KCNQ1: variants seen among roughly 807,000 people sequenced by gnomAD.
The protein encoded by KCNQ1 is potassium voltage-gated channel subfamily KQT member 1.
In KCNQ1, 49 loss-of-function variants were observed where a neutral mutation model predicts 72.4. That is an observed-to-expected ratio of 0.68 (90% CI 0.54 to 0.86). The LOEUF (loss-of-function observed/expected upper bound fraction) is 0.86, where lower values mean the gene tolerates loss of function less well. Among genes scored for constraint, KCNQ1 ranks in the 40% least tolerant of loss-of-function variants. The pLI is 0.00. For synonymous variants in KCNQ1, 450 were observed against 412.6 expected (o/e 1.09, Z -1.10); for missense variants, 790 against 945.1 (o/e 0.84, Z 2.15).
chr11:2,560,487 G>A (rs1241413098), intron 2 of KCNQ1, among the ~76,000 whole-genome samples: 4 of 113,308 alleles, frequency 3.5e-5, no homozygotes, highest in Non-Finnish European at 7.3e-5. Flanking sequence ...TCCTGGGGGC[G>A]GGTGATGTTC....
Position 2,486,179 on chromosome 11 carries a change from ATAG to A in KCNQ1, c.386+40699_386+40701del, listed in dbSNP as rs1227736778. ...CACTTGTAATTTCTGGGGTTTTTTA[ATAG>A]TAGCCATTCTAGTGGGTGTGCAGTG... On this transcript the variant is annotated intron_variant, in intron 1 of 15. Coordinates refer to ENST00000155840, the MANE Select transcript of KCNQ1 (RefSeq NM_000218.3). The surrounding 1 kb of genome is among the most constrained non-coding windows in gnomAD (Gnocchi z 5.0). 2.6e-5 allele frequency among the ~76,000 whole-genome samples: 4 copies of A among 152,254 alleles called. No individual in the cohort carries two copies. In the South Asian group the frequency reaches 6.2e-4, roughly 24 times the overall value.
chr11:2,584,562 T>TA (rs1491407139), intron 7 of KCNQ1, among the ~76,000 whole-genome samples: 1 of 151,844 alleles, frequency 6.6e-6, no homozygotes, highest in African/African-American at 2.4e-5. Flanking sequence ...AGTGTGTATT[T>TA]GTGTGTGTTA....
intron 2 of KCNQ1, among the ~76,000 whole-genome samples, chr11:2,568,170 G>A (rs1848273396): frequency 6.6e-6 from 1 of 152,206 alleles, no homozygotes; most frequent in South Asian, 2.1e-4. Context: ...CTACTCAGGA[G>A]GCTGAGGCAG....
At chr11:2,776,342 C>T (rs1368001102) in intron 13 of KCNQ1, among the ~76,000 whole-genome samples, 12 of 152,114 alleles carry the variant, frequency 7.9e-5, no homozygotes, top group Non-Finnish European at 1.6e-4. Context: ...CACCCGCCTC[C>T]GTCCCTGCTC....
At chr11:2,788,042 C>T (rs1846945711) in intron 15 of KCNQ1, among the ~76,000 whole-genome samples, 1 of 152,124 alleles carries the variant, frequency 6.6e-6, no homozygotes, top group African/African-American at 2.4e-5. Context: ...CCAGGCCAGC[C>T]CCAAGGAAAT....
At position 2,733,603 on chromosome 11, in the gene KCNQ1, C is replaced by A. The variant is rs61870826; in HGVS notation, c.1515-35241C>A. 2.9e-3 allele frequency among the ~76,000 whole-genome samples: 446 copies of A among 151,966 alleles called. 1 individual carries two copies. The highest frequency in any genetic ancestry group is 1.0e-2 in the African/African-American group (414 of 41,472). ...TGCTGGCAGCTCCTAGGGAGACAGT[C>A]GGGCACGGTGGGCACCTTGAGAGGA... is the stretch of plus-strand genomic sequence containing the variant. On this transcript the variant is annotated intron_variant, in intron 11 of 15. Coordinates refer to ENST00000155840, the MANE Select transcript of KCNQ1 (RefSeq NM_000218.3).
intron 1 of KCNQ1, among the ~76,000 whole-genome samples, chr11:2,448,895 G>A (rs111289280): frequency 0.018 from 2,714 of 152,254 alleles, 76 homozygotes; most frequent in African/African-American, 0.063. Flanking sequence ...GTACTAGTTG[G>A]GGGGAACACA....
At chr11:2,587,805 G>A in intron 9 of KCNQ1, 113 bp downstream of exon 9, 1 of 1,434,956 alleles carries the variant, frequency 7.0e-7, no homozygotes, top group Middle Eastern at 1.7e-4. Context: ...GGTACAGCCT[G>A]TGTCAGGGAG....
intron 11 of KCNQ1, among the ~76,000 whole-genome samples, chr11:2,757,069 C>T (rs1369753182): frequency 1.3e-5 from 2 of 150,474 alleles, no homozygotes; most frequent in Non-Finnish European, 3.0e-5. Flanking sequence ...TATCTGTTCT[C>T]ACCACTTCTA....
intron 10 of KCNQ1, chr11:2,614,702 C>T (rs1037584128): frequency 2.5e-6 from 1 of 398,398 alleles, no homozygotes; most frequent in Admixed American, 4.4e-5. Flanking sequence ...GTGTTTATTT[C>T]TACATTCTCT....
Position 2,508,475 on chromosome 11 carries a change from T to G in KCNQ1, c.387-19453T>G, listed in dbSNP as rs1847141655. ...TCTGCATGGGGAGGAGTGTGGGTCC[T>G]GAGTGGAGTGTCCCATCTGTCATGC... On this transcript the variant is annotated intron_variant, in intron 1 of 15. Transcript: ENST00000155840. This position sits in a 1 kb window ranked among gnomAD's most constrained non-coding sequence, Gnocchi z 6.2. Among the ~76,000 whole-genome samples, 1 of 152,004 alleles carries G rather than the reference T, an allele frequency of 6.6e-6. No homozygotes were observed. Among genetic ancestry groups the G allele is most frequent in the South Asian group, 2.1e-4 (1 of 4,822 alleles).
intron 8 of KCNQ1, 44 bp from the exon 9 acceptor site, chr11:2,587,526 G>A (rs370535897): frequency 5.0e-6 from 8 of 1,612,530 alleles, no homozygotes; most frequent in African/African-American, 1.3e-5. Context: ...GGCCCCCGCC[G>A]GGTGGCTCAG....
chr11:2,604,779 G>A (rs1564831041), intron 10 of KCNQ1, among the ~76,000 whole-genome samples: 1 of 152,070 alleles, frequency 6.6e-6, no homozygotes, highest in Non-Finnish European at 1.5e-5. Flanking sequence ...TCCTGACCTC[G>A]TGATCCACCC....
chr11:2,733,861 C>G (rs1253974930), intron 11 of KCNQ1, among the ~76,000 whole-genome samples: 1 of 117,820 alleles, frequency 8.5e-6, no homozygotes, highest in Non-Finnish European at 1.8e-5. Context: ...CTCTCTCCCC[C>G]CCCACTTCAG....
chr11:2,699,681 A>AGAACCCCCGGGGAGAACCGCGCCGAT (rs1186679424), intron 11 of KCNQ1: 1 of 341,940 alleles, frequency 2.9e-6, no homozygotes, highest in Non-Finnish European at 5.1e-6. Context: ...ACCGCGCCGA[A>AGAACCCCCGGGGAGAACCGCGCCGAT]AAGCCCCGGG....
rs573376213 is a variant in KCNQ1, at chr11:2,797,141, C to T, written c.1794+19104C>T. ...AGGACTCGGCCCAGAGCCTCGATGC[C>T]GGCCGCTCCGGGCAGACCTGGGGGG... On this transcript the variant is annotated intron_variant, in intron 15 of 15. Transcript: ENST00000155840. 2.0e-5 allele frequency among the ~76,000 whole-genome samples: 3 copies of T among 150,210 alleles called. No homozygotes were observed. In the South Asian group the frequency reaches 6.4e-4, roughly 32 times the overall value.
At chr11:2,502,089 A>G (rs1223580328) in intron 1 of KCNQ1, among the ~76,000 whole-genome samples, 1 of 152,218 alleles carries the variant, frequency 6.6e-6, no homozygotes, top group Non-Finnish European at 1.5e-5. Flanking sequence ...AGCTAGTAAC[A>G]TACTGAATGG....
chr11:2,584,008 C>T (rs890196712), intron 7 of KCNQ1, among the ~76,000 whole-genome samples: 13 of 151,640 alleles, frequency 8.6e-5, no homozygotes, highest in Admixed American at 2.0e-4. Context: ...GTGTTATGTG[C>T]GTATGTGCAT....
intron 2 of KCNQ1, among the ~76,000 whole-genome samples, chr11:2,530,111 C>T (rs1258506358): frequency 2.0e-5 from 3 of 152,122 alleles, no homozygotes; most frequent in Non-Finnish European, 4.4e-5. Context: ...TCTTGTGGTG[C>T]CATCTTGGTT....
Sources: gnomAD v4.1 joint callset for allele counts (sites outside exome capture counted in the v4.1 genomes callset) on GRCh38, gnomAD v4.1.1 for gene constraint, Gnocchi (gnomAD v3.1) non-coding constraint, MANE v1.5 for transcripts, NCBI Gene and HGNC (gene_info 2026-07-23, HGNC 2026-07-21) for gene names.